The following STK3 variants were observed in gnomAD, a reference collection of about 807,000 sequenced individuals.
The protein encoded by STK3 is serine/threonine-protein kinase 3.
A neutral mutation model predicts 58.0 loss-of-function variants in STK3; 41 were observed. The ratio of observed to expected loss-of-function variants is 0.71; its 90% CI spans 0.55 to 0.92. The LOEUF (loss-of-function observed/expected upper bound fraction) is 0.92. Ranked by LOEUF, STK3 falls within the 40% of genes least tolerant of loss-of-function variation. STK3 has a pLI of 0.00. For missense variants in STK3, 479 were observed against 602.7 expected, an observed-to-expected ratio of 0.79 and a Z score of 2.15; for synonymous variants, 170 against 191.0, an observed-to-expected ratio of 0.89 and a Z score of 0.91.
chr8:98,877,335 A>G (rs1837590615), intron 3 of STK3, among the ~76,000 whole-genome samples: 1 of 152,198 alleles, frequency 6.6e-6, no homozygotes, highest in Non-Finnish European at 1.5e-5. Context: ...GAGACTATAC[A>G]GTCTACTTTT....
At chr8:98,825,449 T>C in intron 1 of STK3, 66 bp downstream of exon 1, 1 of 1,395,562 alleles carries the variant, frequency 7.2e-7, no homozygotes, top group South Asian at 1.4e-5. Context: ...GGGCCTGGCC[T>C]AGCCACCCCC....
intron 6 of STK3, 144 bp from the exon 7 acceptor site, chr8:98,596,313 T>A (rs1272587860): frequency 1.1e-6 from 1 of 930,622 alleles, no homozygotes; most frequent in Non-Finnish European, 1.5e-6. Context: ...ACACTGAAAT[T>A]CAGGAAGCCA....
chr8:98,734,576 A>G (rs1828433417), intron 4 of STK3, among the ~76,000 whole-genome samples: 1 of 152,192 alleles, frequency 6.6e-6, no homozygotes, highest in Admixed American at 6.5e-5. Context: ...ATAGCTTTAC[A>G]ATTATGTAAA....
In STK3 at chr8:98,775,909, T is replaced by G. The variant is rs546679468; in HGVS notation, c.27-1090A>C. ...CAAGCAAAGATATATCATGATGAAC[T>G]GAAAATTGAAGGGAACTATGAATAT... is the stretch of plus-strand genomic sequence containing the variant. On this transcript the variant is annotated intron_variant, in intron 1 of 10. Transcript: ENST00000419617. Among the ~76,000 whole-genome samples, 77 of 152,286 alleles carry G rather than the reference T, an allele frequency of 5.1e-4. 3 individuals are homozygous for G. The South Asian group carries it at 0.012, about 25-fold the overall frequency.
At chr8:98,684,946 T>C (rs1230823660) in intron 6 of STK3, among the ~76,000 whole-genome samples, 2 of 152,196 alleles carry the variant, frequency 1.3e-5, no homozygotes, top group African/African-American at 2.4e-5. Context: ...TATGGTTTCA[T>C]GTATATTTTG....
chr8:98,519,119 A>G (rs937212016), intron 10 of STK3, among the ~76,000 whole-genome samples: 7 of 152,114 alleles, frequency 4.6e-5, no homozygotes, highest in African/African-American at 1.7e-4. Flanking sequence ...ACTTCACTCA[A>G]CTGAAGTGGT....
intron 6 of STK3, among the ~76,000 whole-genome samples, chr8:98,659,716 TA>T (rs1821821480): frequency 1.3e-5 from 2 of 151,898 alleles, no homozygotes; most frequent in Admixed American, 6.6e-5. Context: ...TCCAATCAAT[TA>T]AATATCTAAG....
chr8:98,362,827 T>C, the STK3 span, among the ~76,000 whole-genome samples: 1 of 152,202 alleles, frequency 6.6e-6, no homozygotes, highest in Non-Finnish European at 1.5e-5. Context: ...GCCACACCTC[T>C]TCCCTGGGTC....
At chr8:98,674,791 A>G (rs1459444983) in intron 6 of STK3, among the ~76,000 whole-genome samples, 1 of 152,144 alleles carries the variant, frequency 6.6e-6, no homozygotes, top group African/African-American at 2.4e-5. Context: ...TTTGCCTCAC[A>G]TATTTGTTTT....
intron 1 of STK3, among the ~76,000 whole-genome samples, chr8:98,811,509 A>G (rs768863763): frequency 1.4e-4 from 21 of 150,638 alleles, no homozygotes; most frequent in Non-Finnish European, 2.4e-4. Context: ...GATGATATGC[A>G]AATTCATTAA....
intron 10 of STK3, among the ~76,000 whole-genome samples, chr8:98,489,181 A>C (rs1586687682): frequency 1.3e-5 from 2 of 152,270 alleles, no homozygotes; most frequent in Non-Finnish European, 2.9e-5. Flanking sequence ...CATTCCTAGA[A>C]GTGAGTGAGA....
At chr8:98,875,651 G>T (rs1220835178) in intron 3 of STK3, 1 of 152,150 alleles carries the variant, frequency 6.6e-6, no homozygotes, top group Non-Finnish European at 1.5e-5. Context: ...TGTTGGAAGA[G>T]ACATGGAAAA....
chr8:98,825,235 G>A (rs1252287446), intron 1 of STK3, among the ~76,000 whole-genome samples: 2 of 152,080 alleles, frequency 1.3e-5, no homozygotes, highest in Non-Finnish European at 2.9e-5. Context: ...AATTCCTCCC[G>A]CCCCGGGAGG....
intron 3 of STK3, among the ~76,000 whole-genome samples, chr8:98,409,812 C>A (rs1818035551): frequency 1.3e-5 from 2 of 152,218 alleles, no homozygotes; most frequent in Admixed American, 6.5e-5. Context: ...GGCTCCTACA[C>A]CTCCCTTGCC....
chr8:98,772,505 C>G (rs1301007546), intron 2 of STK3, among the ~76,000 whole-genome samples: 2 of 152,004 alleles, frequency 1.3e-5, no homozygotes, highest in Admixed American at 6.6e-5. Context: ...TCAAGACCAG[C>G]CTGGCCAACA....
At chr8:98,406,287 T>G (rs143882487) in intron 3 of STK3, among the ~76,000 whole-genome samples, 14 of 141,502 alleles carry the variant, frequency 9.9e-5, no homozygotes, top group East Asian at 6.7e-4. Flanking sequence ...TTTATTTTAT[T>G]TTATGTTATT....
chr8:98,646,108 G>A (rs1384971002), intron 6 of STK3, among the ~76,000 whole-genome samples: 2 of 152,206 alleles, frequency 1.3e-5, no homozygotes, highest in Non-Finnish European at 2.9e-5. Flanking sequence ...AAGTCAGCCA[G>A]CCAGCTGGAC....
At chr8:98,604,463 G>A (rs1371691165) in intron 6 of STK3, among the ~76,000 whole-genome samples, 2 of 152,188 alleles carry the variant, frequency 1.3e-5, no homozygotes, top group Admixed American at 6.5e-5. Flanking sequence ...TCTATCTGGA[G>A]GGGTCTGGAG....
At chr8:98,633,688 G>GTGAC in intron 6 of STK3, 6 of 693,450 alleles carry the variant, frequency 8.7e-6, no homozygotes, top group Non-Finnish European at 1.6e-5. Flanking sequence ...TACAAGGTTA[G>GTGAC]AGAATACAAA....
Sources: allele counts gnomAD v4.1 joint callset (sites outside exome capture counted in the v4.1 genomes callset), GRCh38; gene constraint gnomAD v4.1.1; transcripts MANE v1.5; gene names NCBI Gene and HGNC (gene_info 2026-07-23, HGNC 2026-07-21).